CELF2: variants seen among roughly 807,000 people sequenced by gnomAD.
The protein encoded by CELF2 is CUGBP Elav-like family member 2, also known as CUG triplet repeat RNA-binding protein 2.
CELF2 carries 8 observed loss-of-function variants against 62.6 expected under a neutral mutation model. That is an observed-to-expected ratio of 0.13 (90% confidence interval 0.07 to 0.23). The LOEUF is 0.23. Among genes scored for constraint, CELF2 ranks in the 10% least tolerant of loss-of-function variants. CELF2 has a pLI of 1.00. For synonymous variants in CELF2, 258 were observed against 250.0 expected, an observed-to-expected ratio of 1.03 and a Z score of -0.30; for missense variants, 333 against 671.0, an observed-to-expected ratio of 0.50 and a Z score of 5.56.
At chr10:10,567,367 T>A in the CELF2 span, among the ~76,000 whole-genome samples, 1 of 152,156 alleles carries the variant, frequency 6.6e-6, no homozygotes, top group Non-Finnish European at 1.5e-5. Flanking sequence ...TCAGCAAGTG[T>A]CACAGGTCGG....
chr10:11,145,974 C>T lies in CELF2; in HGVS notation c.75-19512C>T, dbSNP rs2062196520. ...CATTGTGAGAATACCTACCTGTACT[C>T]TCCTCTGGTACTTTTAGACGGTGTA... is the stretch of plus-strand genomic sequence containing the variant. On this transcript the variant is annotated intron_variant, in intron 1 of 12. Transcript: ENST00000633077. The surrounding 1 kb of genome is among the most constrained non-coding windows in gnomAD (Gnocchi z 4.3). 6.6e-6 allele frequency among the ~76,000 whole-genome samples: 1 copy of T among 152,180 alleles called. No individual in the cohort carries two copies. The highest frequency in any genetic ancestry group is 1.5e-5 in the Non-Finnish European group (1 of 68,034).
At chr10:10,810,808 G>A (rs1042863136) in intron 1 of CELF2, among the ~76,000 whole-genome samples, 1 of 152,204 alleles carries the variant, frequency 6.6e-6, no homozygotes, top group Non-Finnish European at 1.5e-5. Context: ...CATCGTGGTG[G>A]AGCTTCCAGT....
At chr10:10,545,551 C>T in the CELF2 span, among the ~76,000 whole-genome samples, 2 of 152,200 alleles carry the variant, frequency 1.3e-5, no homozygotes, top group Non-Finnish European at 2.9e-5. Context: ...CTGGAAAATG[C>T]GGCCACATAG....
chr10:11,037,323 C>T (rs2061123062), intron 1 of CELF2, among the ~76,000 whole-genome samples: 1 of 152,218 alleles, frequency 6.6e-6, no homozygotes, highest in African/African-American at 2.4e-5. Flanking sequence ...TCAGTTACCT[C>T]CTAACAGGTC....
At chr10:10,570,512 T>C in the CELF2 span, among the ~76,000 whole-genome samples, 2 of 152,022 alleles carry the variant, frequency 1.3e-5, no homozygotes, top group African/African-American at 4.8e-5. Flanking sequence ...ATACCAATTT[T>C]AAAAGATTAC....
At chr10:10,964,801 T>TA (rs1166325898) in intron 2 of CELF2, among the ~76,000 whole-genome samples, 1 of 123,636 alleles carries the variant, frequency 8.1e-6, no homozygotes. Context: ...ATAATAATAA[T>TA]AGAAACATCT....
In CELF2 at chr10:10,947,552, A is replaced by T. The variant is rs371963103; in HGVS notation, c.89+27553A>T. The T allele has an allele frequency of 1.3e-5, 2 of 152,630 alleles. No homozygotes were observed. Among genetic ancestry groups the T allele is most frequent in the African/African-American group, 4.8e-5 (2 of 41,446 alleles). The allele number at this position is 152,630 out of a possible 1,614,324, so 9.5% of individuals were successfully genotyped here. A position where few individuals can be genotyped will look rare whatever the true frequency, so the allele number is the denominator to read the frequency against. On this transcript the variant is annotated intron_variant, in intron 2 of 13. Transcript: ENST00000636488. The surrounding 1 kb of genome is among the most constrained non-coding windows in gnomAD (Gnocchi z 4.1). ...TTGTTGATTATTTCGTGTTGTGTTG[A>T]ATTCCTAACAAGCATATGAAAGAGG...
intron 1 of CELF2, among the ~76,000 whole-genome samples, chr10:10,858,750 G>A (rs2059894484): frequency 1.3e-5 from 2 of 151,298 alleles, no homozygotes; most frequent in African/African-American, 4.9e-5. Flanking sequence ...AGGAATAGAT[G>A]TATTTCCTAA....
At chr10:10,499,788 G>T in the CELF2 span, among the ~76,000 whole-genome samples, 1 of 152,218 alleles carries the variant, frequency 6.6e-6, no homozygotes, top group Admixed American at 6.5e-5. Context: ...TGAGGCAGGA[G>T]AATCACTTGA....
chr10:11,027,079 G>A (rs188523185), intron 1 of CELF2, among the ~76,000 whole-genome samples: 221 of 152,210 alleles, frequency 1.5e-3, no homozygotes, highest in African/African-American at 5.0e-3. Context: ...GTCCACGCTG[G>A]TAACATCTTT....
At chr10:10,809,711 T>A (rs989356007) in intron 1 of CELF2, among the ~76,000 whole-genome samples, 3 of 152,230 alleles carry the variant, frequency 2.0e-5, no homozygotes, top group African/African-American at 7.2e-5. Flanking sequence ...CTGAAAAGAT[T>A]TTGGAAACTC....
chr10:10,628,590 T>C, the CELF2 span, among the ~76,000 whole-genome samples: 1 of 152,236 alleles, frequency 6.6e-6, no homozygotes, highest in African/African-American at 2.4e-5. Context: ...ACTTTCCTGC[T>C]TCATCCATGT....
intron 1 of CELF2, among the ~76,000 whole-genome samples, chr10:11,126,437 GTTT>G (rs1245879701): frequency 2.0e-5 from 3 of 152,228 alleles, no homozygotes; most frequent in South Asian, 2.1e-4. Flanking sequence ...CTCACTAGAC[GTTT>G]TCAAGATGGC....
the CELF2 span, among the ~76,000 whole-genome samples, chr10:10,758,309 A>G: frequency 5.9e-5 from 9 of 152,168 alleles, no homozygotes; most frequent in African/African-American, 1.7e-4. Context: ...TTAAACTTCA[A>G]TGCACCTTGG....
At chr10:10,927,869 G>A (rs1396332976) in intron 2 of CELF2, among the ~76,000 whole-genome samples, 1 of 152,050 alleles carries the variant, frequency 6.6e-6, no homozygotes, top group Admixed American at 6.5e-5. Context: ...AAGTCCAAAT[G>A]ATCTCTGAAA....
chr10:11,050,640 C>T (rs1187872343), intron 1 of CELF2, among the ~76,000 whole-genome samples: 1 of 152,222 alleles, frequency 6.6e-6, no homozygotes, highest in Non-Finnish European at 1.5e-5. Flanking sequence ...TTTCCGTGAT[C>T]TCCCATCAGT....
intron 1 of CELF2, among the ~76,000 whole-genome samples, chr10:11,127,558 G>A (rs2058924155): frequency 6.6e-6 from 1 of 152,148 alleles, no homozygotes; most frequent in Non-Finnish European, 1.5e-5. Flanking sequence ...AGCATCTGTT[G>A]TTTCCTGACT....
chr10:11,137,655 A>G (rs1019562090), intron 1 of CELF2, among the ~76,000 whole-genome samples: 2 of 152,136 alleles, frequency 1.3e-5, no homozygotes, highest in Non-Finnish European at 1.5e-5. Context: ...TCATTACATC[A>G]TCATCATTTT....
the CELF2 span, among the ~76,000 whole-genome samples, chr10:10,477,868 G>A: frequency 6.6e-6 from 1 of 151,926 alleles, no homozygotes; most frequent in Admixed American, 6.6e-5. Context: ...TGTAGCATAG[G>A]AATCTTTTCA....
Sources: allele counts gnomAD v4.1 joint callset (sites outside exome capture counted in the v4.1 genomes callset), GRCh38; gene constraint gnomAD v4.1.1; non-coding constraint Gnocchi (gnomAD v3.1); transcripts MANE v1.5; gene names NCBI Gene and HGNC (gene_info 2026-07-23, HGNC 2026-07-21).